The following RAB5B variants were observed in gnomAD, a reference collection of about 807,000 sequenced individuals.
RAB5B encodes the protein RAB5B, member RAS oncogene family, also known as ras-related protein Rab-5B.
A neutral mutation model predicts 28.6 loss-of-function variants in RAB5B; 11 were observed. The ratio of observed to expected loss-of-function variants is 0.38; its 90% CI spans 0.24 to 0.64. The LOEUF is 0.64. Among genes scored for constraint, RAB5B ranks in the 30% least tolerant of loss-of-function variants. The pLI is 0.53. For missense variants in RAB5B, 169 were observed against 265.6 expected (o/e 0.64, Z 2.53); for synonymous variants, 93 against 97.9 (o/e 0.95, Z 0.29).
In RAB5B at chr12:55,981,957, A is replaced by T. The variant is rs1889820374; in HGVS notation, c.-92-4912A>T. Among the ~76,000 whole-genome samples the T allele has an allele frequency of 2.0e-5, 3 of 152,038 alleles. No homozygotes were observed. In the South Asian group the frequency reaches 6.2e-4, roughly 32 times the overall value. On this transcript the variant is annotated intron_variant, in intron 1 of 5. Coordinates refer to ENST00000360299, the MANE Select transcript of RAB5B (RefSeq NM_002868.4). ...GCTGAGATTACAGGTGTCAGCCACCACACCTGGCTAATTTTTGTGTTTTTA... is the reference window on the plus strand; with the variant it reads ...GCTGAGATTACAGGTGTCAGCCACCTCACCTGGCTAATTTTTGTGTTTTTA...
At chr12:55,986,497 A>G (rs1286958044) in intron 1 of RAB5B, among the ~76,000 whole-genome samples, 1 of 152,104 alleles carries the variant, frequency 6.6e-6, no homozygotes, top group African/African-American at 2.4e-5. Context: ...CCAAGGAGAT[A>G]CTGGGGATCT....
chr12:55,984,106 C>T (rs540854370), intron 1 of RAB5B, among the ~76,000 whole-genome samples: 1 of 152,004 alleles, frequency 6.6e-6, no homozygotes. Flanking sequence ...ACTGCAACCT[C>T]CGCCTCCCGG....
chr12:55,990,916 C>T (rs1890096466), intron 4 of RAB5B, 112 bp downstream of exon 4: 1 of 1,352,890 alleles, frequency 7.4e-7, no homozygotes, highest in Admixed American at 2.0e-5. Context: ...TTGTCTCATT[C>T]CCCAGTTCTA....
At chr12:55,987,546 C>G (rs758515168) in intron 2 of RAB5B, among the ~76,000 whole-genome samples, 14 of 151,986 alleles carry the variant, frequency 9.2e-5, no homozygotes, top group African/African-American at 2.7e-4. Context: ...AAATGGAAAC[C>G]CTTTATAAAA....
chr12:55,982,373 A>C (rs1184717420), intron 1 of RAB5B, among the ~76,000 whole-genome samples: 1 of 152,180 alleles, frequency 6.6e-6, no homozygotes, highest in Non-Finnish European at 1.5e-5. Context: ...TATATTTTTT[A>C]AATGATACCC....
chr12:55,983,591 G>T (rs1334853198), intron 1 of RAB5B, among the ~76,000 whole-genome samples: 1 of 151,436 alleles, frequency 6.6e-6, no homozygotes, highest in Non-Finnish European at 1.5e-5. Flanking sequence ...GTCTACTTTG[G>T]GACCTTGAGT....
chr12:55,986,552 G>T (rs1186508290), intron 1 of RAB5B, among the ~76,000 whole-genome samples: 12 of 152,222 alleles, frequency 7.9e-5, no homozygotes, highest in Admixed American at 5.2e-4. Context: ...GCCAGCTAAA[G>T]GTTGATCACT....
chr12:55,980,493 C>A, intron 1 of RAB5B: 1 of 1,591,188 alleles, frequency 6.3e-7, no homozygotes, highest in Non-Finnish European at 8.6e-7. Context: ...GGCTTGTTGC[C>A]GTTTCCTGAT....
At position 55,996,003 on chromosome 12, in the gene RAB5B, A is replaced by ATATATATATATATTTTTTTTTTTTT; in HGVS notation, c.*3792_*3793insATATATATATATTTTTTTTTTTTTT. On this transcript the variant is annotated 3_prime_UTR_variant, in exon 6 of 6. Coordinates refer to ENST00000360299, the MANE Select transcript of RAB5B (RefSeq NM_002868.4). ...TATATACATATATATATATATATAT[A>ATATATATATATATTTTTTTTTTTTT]TTTTTTTTTTAACAACTGGTAGGAT... 1 of 97,402 alleles carries ATATATATATATATTTTTTTTTTTTT rather than the reference A, an allele frequency of 1.0e-5. No individual in the cohort carries two copies. The highest frequency in any genetic ancestry group is 4.7e-5 in the African/African-American group (1 of 21,146). 6.0% of individuals were successfully genotyped at this position (97,402 alleles called of 1,614,324 possible). A position where few individuals can be genotyped will look rare whatever the true frequency, so the allele number is the denominator to read the frequency against.
chr12:55,991,738 C>T (rs531111146), intron 5 of RAB5B: 4 of 404,346 alleles, frequency 9.9e-6, no homozygotes, highest in Non-Finnish European at 1.8e-5. Flanking sequence ...ACCATCCTGG[C>T]CAATGTGGTG....
At chr12:55,987,340 T>C (rs1889981729) in intron 2 of RAB5B, among the ~76,000 whole-genome samples, 1 of 151,812 alleles carries the variant, frequency 6.6e-6, no homozygotes, top group African/African-American at 2.4e-5. Flanking sequence ...TTTGTATTTT[T>C]AGTGGAGAGG....
At chr12:55,991,622 C>T (rs1466921972) in intron 5 of RAB5B, 169 bp downstream of exon 5, 1 of 575,332 alleles carries the variant, frequency 1.7e-6, no homozygotes, top group Non-Finnish European at 3.1e-6. Flanking sequence ...CTTTAGCTCC[C>T]TTGTCTTCAA....
intron 3 of RAB5B, among the ~76,000 whole-genome samples, chr12:55,990,402 C>T (rs1436440181): frequency 1.2e-4 from 18 of 150,852 alleles, no homozygotes; most frequent in Non-Finnish European, 1.3e-4. Context: ...AGCAAAACTC[C>T]GCCTCAAAAA....
chr12:55,996,003 A>ATATATT lies in RAB5B; in HGVS notation c.*3792_*3793insATATTT. 4.0e-4 allele frequency: 39 copies of ATATATT among 97,400 alleles called. No homozygotes were observed. The highest frequency in any genetic ancestry group is 5.7e-4 in the South Asian group (2 of 3,486). 6.0% of individuals were successfully genotyped at this position (97,400 alleles called of 1,614,324 possible). A position where few individuals can be genotyped will look rare whatever the true frequency, so the allele number is the denominator to read the frequency against. On this transcript the variant is annotated 3_prime_UTR_variant, in exon 6 of 6. Transcript: ENST00000360299. ...TATATACATATATATATATATATATATTTTTTTTTTAACAACTGGTAGGAT... is the reference window on the plus strand; with the variant it reads ...TATATACATATATATATATATATATATATATTTTTTTTTTTTAACAACTGGTAGGAT...
chr12:55,977,283 G>A (rs986240193), intron 1 of RAB5B, among the ~76,000 whole-genome samples: 10 of 55,860 alleles, frequency 1.8e-4, no homozygotes, highest in Non-Finnish European at 3.3e-4. Flanking sequence ...CCGTGTGTGC[G>A]TGTGTGTGTG....
chr12:55,976,044 C>G (rs1315532963), intron 1 of RAB5B, among the ~76,000 whole-genome samples: 1 of 152,072 alleles, frequency 6.6e-6, no homozygotes, highest in African/African-American at 2.4e-5. Flanking sequence ...GCCACCACAC[C>G]CGGCCATCAC....
At chr12:55,982,683 G>C (rs1420568436) in intron 1 of RAB5B, among the ~76,000 whole-genome samples, 1 of 152,216 alleles carries the variant, frequency 6.6e-6, no homozygotes, top group Non-Finnish European at 1.5e-5. Context: ...AGGTTGCTTA[G>C]TAGCAAGAAA....
At position 55,992,371 on chromosome 12, in the gene RAB5B, T is replaced by C. The variant is rs1450041473; in HGVS notation, c.*159T>C. 1 of 710,132 alleles carries C rather than the reference T, an allele frequency of 1.4e-6. No homozygotes were observed. Among genetic ancestry groups the C allele is most frequent in the Non-Finnish European group, 2.5e-6 (1 of 401,160 alleles). The allele number at this position is 710,132 out of a possible 1,614,324, so 44.0% of individuals were successfully genotyped here. A position where few individuals can be genotyped will look rare whatever the true frequency, so the allele number is the denominator to read the frequency against. On this transcript the variant is annotated 3_prime_UTR_variant, in exon 6 of 6. Coordinates refer to ENST00000360299, the MANE Select transcript of RAB5B (RefSeq NM_002868.4). ...GCTCCGTCATGGCACTTTTTAACGC[T>C]TCAGCAACAAACACCAGGCAGCTGT...
intron 1 of RAB5B, chr12:55,979,537 C>A (rs1211343008): frequency 3.9e-5 from 6 of 152,154 alleles, no homozygotes; most frequent in African/African-American, 1.4e-4. Flanking sequence ...ATCGCAGGGC[C>A]CACCAAATTC....
Sources: allele counts gnomAD v4.1 joint callset (sites outside exome capture counted in the v4.1 genomes callset), GRCh38; gene constraint gnomAD v4.1.1; transcripts MANE v1.5; gene names NCBI Gene and HGNC (gene_info 2026-07-23, HGNC 2026-07-21).